CREB1: variants seen among roughly 807,000 people sequenced by gnomAD.
The protein encoded by CREB1 is cAMP responsive element binding protein 1, also known as cyclic AMP-responsive element-binding protein 1.
A neutral mutation model predicts 42.0 loss-of-function variants in CREB1; 2 were observed. That is an observed-to-expected ratio of 0.05 (90% CI 0.02 to 0.15). The LOEUF is 0.15. CREB1 is among the 10% of genes least tolerant of loss of function. CREB1 has a pLI of 1.00. For synonymous variants in CREB1, 123 were observed against 139.9 expected (o/e 0.88, Z 0.85); for missense variants, 199 against 388.9 (o/e 0.51, Z 4.11).
rs2087354717 is a variant in CREB1, at chr2:207,603,002, G to A, written c.*5944G>A. 4.7e-6 allele frequency: 1 copy of A among 213,880 alleles called. No individual in the cohort carries two copies. The highest frequency in any genetic ancestry group is 9.5e-6 in the Non-Finnish European group (1 of 105,806). 13.2% of individuals were successfully genotyped at this position (213,880 alleles called of 1,614,324 possible). A position where few individuals can be genotyped will look rare whatever the true frequency, so the allele number is the denominator to read the frequency against. Reference sequence around the variant, plus strand: ...GGTGTTTGGCTTTTTGGTTTTTGAGGGTTGGGGTAAAGAAGACTTCCCCCA... The same window carrying A: ...GGTGTTTGGCTTTTTGGTTTTTGAGAGTTGGGGTAAAGAAGACTTCCCCCA... On this transcript the variant is annotated 3_prime_UTR_variant, in exon 8 of 8. Transcript: ENST00000353267.
chr2:207,542,579 G>T (rs2081138430), intron 1 of CREB1, among the ~76,000 whole-genome samples: 1 of 152,070 alleles, frequency 6.6e-6, no homozygotes, highest in Non-Finnish European at 1.5e-5. Flanking sequence ...TCAGATACAT[G>T]ATTTACAAAA....
chr2:207,533,781 A>G (rs575150152), intron 1 of CREB1, among the ~76,000 whole-genome samples: 6 of 152,170 alleles, frequency 3.9e-5, no homozygotes, highest in East Asian at 1.9e-4. Context: ...TGGTAATTCA[A>G]ATATTTATTT....
intron 7 of CREB1, among the ~76,000 whole-genome samples, chr2:207,581,174 G>A (rs2082913728): frequency 1.3e-5 from 2 of 152,232 alleles, no homozygotes; most frequent in African/African-American, 2.4e-5. Context: ...ATTTAGGAAA[G>A]TAAAAGATAA....
Position 207,603,431 on chromosome 2 carries a change from C to A in CREB1, c.*6373C>A, listed in dbSNP as rs2087462712. The A allele has an allele frequency of 8.9e-6, 2 of 224,678 alleles. No individual in the cohort carries two copies. Among genetic ancestry groups the A allele is most frequent in the Non-Finnish European group, 1.8e-5 (2 of 112,822 alleles). 13.9% of individuals were successfully genotyped at this position (224,678 alleles called of 1,614,324 possible). On this transcript the variant is annotated 3_prime_UTR_variant, in exon 8 of 8. Transcript: ENST00000353267. Reference sequence around the variant, plus strand: ...TCACATAAACATGCTTTTAAAAACTCTGTAAGTCTCTTTTTTGGGGATGGG... The same window carrying A: ...TCACATAAACATGCTTTTAAAAACTATGTAAGTCTCTTTTTTGGGGATGGG...
At chr2:207,561,402 C>A (rs1359935741) in intron 3 of CREB1, among the ~76,000 whole-genome samples, 2 of 152,164 alleles carry the variant, frequency 1.3e-5, no homozygotes, top group Non-Finnish European at 2.9e-5. Context: ...TGAACACTTT[C>A]AGAGAAAGGA....
chr2:207,582,255 G>C (rs1574910004), intron 7 of CREB1: 1 of 679,310 alleles, frequency 1.5e-6, no homozygotes, highest in South Asian at 1.6e-5. Context: ...AGGCTATGCA[G>C]ATATATTCTT....
intron 1 of CREB1, among the ~76,000 whole-genome samples, chr2:207,539,446 A>G (rs2106360837): frequency 6.6e-6 from 1 of 152,228 alleles, no homozygotes; most frequent in South Asian, 2.1e-4. Flanking sequence ...ATGTATTGCC[A>G]TTTATCAATC....
At position 207,597,697 on chromosome 2, in the gene CREB1, C is replaced by A. The variant is rs371836046; in HGVS notation, c.*639C>A. ...CCTTGGTTCTTAAAAGCATTCTGTA[C>A]TAATACAGCTCTTCCATAGGGCAGT... On this transcript the variant is annotated 3_prime_UTR_variant, in exon 8 of 8. Coordinates refer to ENST00000353267, the MANE Select transcript of CREB1 (RefSeq NM_004379.5). 2 of 206,178 alleles carry A rather than the reference C, an allele frequency of 9.7e-6. No individual in the cohort carries two copies. The highest frequency in any genetic ancestry group is 4.6e-5 in the African/African-American group (2 of 43,894). 12.8% of individuals were successfully genotyped at this position (206,178 alleles called of 1,614,324 possible). A position where few individuals can be genotyped will look rare whatever the true frequency, so the allele number is the denominator to read the frequency against.
At position 207,596,905 on chromosome 2, in the gene CREB1, T is replaced by G; in HGVS notation, c.840-9T>G. ...TTGCATAATTTTTCCCGTCCTCTTT[T>G]GCTTGTAGGGAAGCAGCTCGAGAGT... is the stretch of plus-strand genomic sequence containing the variant. On this transcript the variant is annotated splice_polypyrimidine_tract_variant and intron_variant, in intron 7 of 7. Coordinates refer to ENST00000353267, the MANE Select transcript of CREB1 (RefSeq NM_004379.5). 6.3e-7 allele frequency: 1 copy of G among 1,598,648 alleles called. No individual in the cohort carries two copies. Among genetic ancestry groups the G allele is most frequent in the East Asian group, 2.2e-5 (1 of 44,694 alleles).
chr2:207,578,948 G>A (rs368546036), intron 7 of CREB1, among the ~76,000 whole-genome samples: 78 of 152,070 alleles, frequency 5.1e-4, no homozygotes, highest in African/African-American at 1.9e-3. Context: ...CCACCACCAC[G>A]CCTGGCTAAT....
chr2:207,560,445 T>G, intron 3 of CREB1, 73 bp downstream of exon 3: 1 of 1,455,176 alleles, frequency 6.9e-7, no homozygotes, highest in Non-Finnish European at 9.4e-7. Context: ...CTTTCACTAG[T>G]TATGAAAATA....
intron 6 of CREB1, chr2:207,577,133 T>C: frequency 1.0e-6 from 1 of 992,754 alleles, no homozygotes; most frequent in Non-Finnish European, 1.2e-6. Context: ...TTTTTTAATA[T>C]GAATTTACCA....
intron 3 of CREB1, among the ~76,000 whole-genome samples, chr2:207,565,721 G>C (rs2082117317): frequency 6.6e-6 from 1 of 152,056 alleles, no homozygotes; most frequent in Admixed American, 6.6e-5. Flanking sequence ...TCAAGCAGTG[G>C]ACACAGAAAG....
intron 7 of CREB1, among the ~76,000 whole-genome samples, chr2:207,595,942 C>G (rs1575033697): frequency 6.6e-6 from 1 of 152,260 alleles, no homozygotes; most frequent in Non-Finnish European, 1.5e-5. Context: ...TGCCTTTTCA[C>G]TATTTATTGT....
rs1162015802 is a variant in CREB1 at position 207,602,584 on chromosome 2, G to A, written c.*5526G>A. 4.7e-6 allele frequency: 1 copy of A among 211,838 alleles called. No individual in the cohort carries two copies. Among genetic ancestry groups the A allele is most frequent in the African/African-American group, 2.3e-5 (1 of 44,130 alleles). 13.1% of individuals were successfully genotyped at this position (211,838 alleles called of 1,614,324 possible). On this transcript the variant is annotated 3_prime_UTR_variant, in exon 8 of 8. Transcript: ENST00000353267. The stretch of plus-strand genomic sequence containing the variant: ...GAGTTAGCTTAAAAATTGGTAGGGA[G>A]GAAGAAAATCTCTGCAAATAATGAT...
chr2:207,553,506 G>A (rs550678493), intron 1 of CREB1, among the ~76,000 whole-genome samples: 2 of 129,758 alleles, frequency 1.5e-5, no homozygotes, highest in South Asian at 2.8e-4. Flanking sequence ...ATAATAACCA[G>A]AGTTATTTGA....
chr2:207,585,780 G>C (rs1378734947), intron 7 of CREB1, among the ~76,000 whole-genome samples: 2 of 152,014 alleles, frequency 1.3e-5, no homozygotes. Flanking sequence ...AAAAACAGTC[G>C]AGCAGAAAGA....
At chr2:207,577,346 C>T (rs142395463) in intron 6 of CREB1, 159 bp from the exon 7 acceptor site, 82 of 1,075,242 alleles carry the variant, frequency 7.6e-5, no homozygotes, top group East Asian at 2.4e-4. Flanking sequence ...TTAGTAGTGG[C>T]GCGAAGAGTG....
At chr2:207,551,620 A>G (rs917422714) in intron 1 of CREB1, among the ~76,000 whole-genome samples, 1 of 152,168 alleles carries the variant, frequency 6.6e-6, no homozygotes, top group Admixed American at 6.5e-5. Context: ...CTCTTACTCA[A>G]TGGGTCGTTC....
Sources: gnomAD v4.1 joint callset for allele counts (sites outside exome capture counted in the v4.1 genomes callset) on GRCh38, gnomAD v4.1.1 for gene constraint, MANE v1.5 for transcripts, NCBI Gene and HGNC (gene_info 2026-07-23, HGNC 2026-07-21) for gene names.